Variants in MAU2 observed in about 807,000 individuals in gnomAD.
MAU2 encodes MAU2 sister chromatid cohesion factor.
A neutral mutation model predicts 89.1 loss-of-function variants in MAU2; 9 were observed. That is an observed-to-expected ratio of 0.10 (90% CI 0.06 to 0.18). The LOEUF is 0.18. MAU2 is among the 10% of genes least tolerant of loss of function. The pLI, the probability that MAU2 is intolerant of heterozygous loss-of-function variation, is 1.00. For missense variants in MAU2, 425 were observed against 803.5 expected (o/e 0.53, Z 5.69); for synonymous variants, 357 against 343.4 (o/e 1.04, Z -0.44).
intron 9 of MAU2, among the ~76,000 whole-genome samples, chr19:19,343,475 C>A (rs566338388): frequency 6.6e-6 from 1 of 152,262 alleles, no homozygotes; most frequent in East Asian, 1.9e-4. Context: ...AGCCCAGGTC[C>A]CCCTACCCGA....
intron 1 of MAU2, chr19:19,329,211 G>A (rs947483298): frequency 6.8e-6 from 3 of 438,982 alleles, no homozygotes; most frequent in Admixed American, 2.5e-5. Flanking sequence ...GCTAAATTCC[G>A]TGTCCCATCT....
At chr19:19,350,051 T>G (rs891078378) in intron 16 of MAU2, among the ~76,000 whole-genome samples, 1 of 151,316 alleles carries the variant, frequency 6.6e-6, no homozygotes, top group Non-Finnish European at 1.5e-5. Flanking sequence ...TCCCAGCACT[T>G]TGGGAGGCCA....
At chr19:19,340,046 T>A (rs2061628879) in intron 5 of MAU2, among the ~76,000 whole-genome samples, 1 of 151,498 alleles carries the variant, frequency 6.6e-6, no homozygotes, top group Non-Finnish European at 1.5e-5. Context: ...GCGCCTGTAG[T>A]CCCAGCTACT....
Position 19,356,897 on chromosome 19 carries a change from G to A in MAU2, c.*1115G>A, listed in dbSNP as rs1007342334. The A allele has an allele frequency of 1.3e-5, 2 of 152,246 alleles. No individual in the cohort carries two copies. Among genetic ancestry groups the A allele is most frequent in the South Asian group, 4.1e-4 (2 of 4,828 alleles). 9.4% of individuals were successfully genotyped at this position (152,246 alleles called of 1,614,324 possible). On this transcript the variant is annotated 3_prime_UTR_variant, in exon 19 of 19. Transcript: ENST00000262815. ...CCCAGTGGTCACAGTGTGGCATTCC[G>A]AGTTGGGGCGGGTGGTCGGGTCAAG...
chr19:19,341,291 C>G lies in MAU2; in HGVS notation c.619C>G (p.Leu207Val), dbSNP rs2061644378. ...MERKLQEVHP[L>V]LTLCGQIVEN... ...GCGAAAGCTGCAGGAGGTGCACCCG[C>G]TGCTGACCCTCTGCGGGCAGATCGT... Residue 207 changes from leucine (L) to valine (V), a missense_variant, in exon 7 of 19, where the codon CTG (leucine) becomes GTG (valine). This residue lies in a region of MAU2 where 119 missense variants were observed against 299.8 expected (regional missense o/e 0.40). Transcript: ENST00000262815. The G allele has an allele frequency of 6.2e-7, 1 of 1,612,706 alleles. No individual in the cohort carries two copies. Among genetic ancestry groups the G allele is most frequent in the East Asian group, 2.2e-5 (1 of 44,894 alleles).
intron 6 of MAU2, 42 bp from the exon 7 acceptor site, chr19:19,341,210 C>T (rs1461868827): frequency 6.3e-7 from 1 of 1,584,488 alleles, no homozygotes; most frequent in African/African-American, 1.3e-5. Flanking sequence ...GGGAGGGCCC[C>T]TGCAAGCCCT....
At chr19:19,322,247 C>G (rs1255105317) in intron 1 of MAU2, among the ~76,000 whole-genome samples, 1 of 152,172 alleles carries the variant, frequency 6.6e-6, no homozygotes, top group African/African-American at 2.4e-5. Context: ...ATCTGCCCAC[C>G]TCGGCCTCCC....
In MAU2 at chr19:19,356,100, C is replaced by T. The variant is rs1382497852; in HGVS notation, c.*318C>T. The T allele has an allele frequency of 3.8e-6, 2 of 532,474 alleles. No individual in the cohort carries two copies. Among genetic ancestry groups the T allele is most frequent in the South Asian group, 3.1e-5 (2 of 64,906 alleles). 33.0% of individuals were successfully genotyped at this position (532,474 alleles called of 1,614,324 possible). A position where few individuals can be genotyped will look rare whatever the true frequency, so the allele number is the denominator to read the frequency against. On this transcript the variant is annotated 3_prime_UTR_variant, in exon 19 of 19. Coordinates refer to ENST00000262815, the MANE Select transcript of MAU2 (RefSeq NM_015329.4). ...TCGGCCAGGAGTAGGGTGCAGGCCT[C>T]CAGCAGGTCCTAATCCTGTGTGCCA...
At chr19:19,346,105 C>T (rs1258587574) in intron 12 of MAU2, among the ~76,000 whole-genome samples, 1 of 152,160 alleles carries the variant, frequency 6.6e-6, no homozygotes, top group Non-Finnish European at 1.5e-5. Context: ...GGTTCCCATT[C>T]CACGGCACCC....
intron 1 of MAU2, among the ~76,000 whole-genome samples, chr19:19,330,702 T>C (rs1263568737): frequency 6.6e-6 from 1 of 152,094 alleles, no homozygotes; most frequent in African/African-American, 2.4e-5. Context: ...ATCACACCAT[T>C]GCACTCCAGC....
intron 1 of MAU2, 82 bp downstream of exon 1, chr19:19,321,217 G>C (rs2061451562): frequency 7.2e-7 from 1 of 1,391,342 alleles, no homozygotes; most frequent in Non-Finnish European, 9.3e-7. Flanking sequence ...GCGGCGGGTG[G>C]GGGGCCGCTC....
intron 1 of MAU2, among the ~76,000 whole-genome samples, chr19:19,333,362 A>G (rs908566414): frequency 6.6e-6 from 1 of 152,098 alleles, no homozygotes; most frequent in Non-Finnish European, 1.5e-5. Flanking sequence ...GGTTCGCACC[A>G]GTAGTCCCGG....
chr19:19,325,784 G>A (rs2061499301), intron 1 of MAU2, among the ~76,000 whole-genome samples: 1 of 152,080 alleles, frequency 6.6e-6, no homozygotes, highest in South Asian at 2.1e-4. Flanking sequence ...GCATCTCTCT[G>A]CTCTTCTTCA....
intron 13 of MAU2, 65 bp from the exon 14 acceptor site, chr19:19,348,824 T>G (rs555286588): frequency 6.5e-7 from 1 of 1,540,322 alleles, no homozygotes; most frequent in Admixed American, 1.7e-5. Context: ...TGCACTGCAG[T>G]GTGTCTTGGG....
At position 19,320,876 on chromosome 19, in the gene MAU2, CGGCAGCGGCCCA is replaced by C. The variant is rs550594758; in HGVS notation, c.21_32del (p.Gln10_Ala13del). 3.7e-3 allele frequency: 5,585 copies of C among 1,521,528 alleles called. 13 individuals carry two copies. Among genetic ancestry groups the C allele is most frequent in the Admixed American group, 4.6e-3 (208 of 45,038 alleles). 94.3% of individuals were successfully genotyped at this position (1,521,528 alleles called of 1,614,324 possible). ...GAGGCCAAAATGGCGGCTCAGGCGG[CGGCAGCGGCCCA>C]GGCGGCGGCGGCCCAGGCTGCGCAG... On this transcript the variant is annotated inframe_deletion, in exon 1 of 19. Transcript: ENST00000262815.
intron 3 of MAU2, among the ~76,000 whole-genome samples, chr19:19,336,651 A>G (rs1444781790): frequency 1.3e-5 from 2 of 152,176 alleles, no homozygotes; most frequent in Non-Finnish European, 2.9e-5. Context: ...GCCACCTGCT[A>G]AGGAGGGCCA....
At chr19:19,346,769 T>A in intron 12 of MAU2, 1 of 154,858 alleles carries the variant, frequency 6.5e-6, no homozygotes, top group Non-Finnish European at 1.4e-5. Flanking sequence ...ATCCACCACC[T>A]GTCATCAGCA....
At chr19:19,323,718 A>G (rs542722551) in intron 1 of MAU2, among the ~76,000 whole-genome samples, 1 of 152,098 alleles carries the variant, frequency 6.6e-6, no homozygotes, top group East Asian at 1.9e-4. Context: ...TCCTGAGCTC[A>G]AGCCATCCAC....
intron 1 of MAU2, among the ~76,000 whole-genome samples, chr19:19,324,276 G>T (rs1430431729): frequency 6.6e-6 from 1 of 152,184 alleles, no homozygotes; most frequent in African/African-American, 2.4e-5. Context: ...GGGGCAGGGA[G>T]CCTGGAGAAC....
Sources: allele counts gnomAD v4.1 joint callset (sites outside exome capture counted in the v4.1 genomes callset), GRCh38; gene constraint gnomAD v4.1.1; regional missense constraint gnomAD v4.1.1; transcripts MANE v1.5; gene names NCBI Gene and HGNC (gene_info 2026-07-23, HGNC 2026-07-21).